Variants in CFH observed in about 807,000 individuals in gnomAD.
CFH encodes the protein complement factor H, also known as H factor 1 (complement).
Under a neutral mutation model 147.3 loss-of-function variants are expected in CFH, and 53 were observed. The ratio of observed to expected loss-of-function variants is 0.36; its 90% confidence interval spans 0.29 to 0.45. The LOEUF (loss-of-function observed/expected upper bound fraction) is 0.45. Ranked by LOEUF, CFH falls within the 20% of genes least tolerant of loss-of-function variation. The probability of loss-of-function intolerance (pLI) is 1.00; values close to 1 mark genes in which losing one functional copy is unlikely to be tolerated. For synonymous variants in CFH, 536 were observed against 489.4 expected (o/e 1.10, Z -1.26); for missense variants, 1,380 against 1,498.0 (o/e 0.92, Z 1.30).
chr1:196,672,595 A>G (rs532863712), intron 1 of CFH, among the ~76,000 whole-genome samples: 7 of 152,290 alleles, frequency 4.6e-5, no homozygotes, highest in Non-Finnish European at 8.8e-5. Context: ...TTGTTTCTTC[A>G]TTGTTTTTTC....
At chr1:196,653,056 A>T (rs1441232790) in intron 1 of CFH, among the ~76,000 whole-genome samples, 1 of 151,846 alleles carries the variant, frequency 6.6e-6, no homozygotes, top group Non-Finnish European at 1.5e-5. Context: ...CTTAGTAAAG[A>T]AATTTTGATT....
chr1:196,711,106 T>C (rs1427398890), intron 9 of CFH, among the ~76,000 whole-genome samples: 1 of 152,178 alleles, frequency 6.6e-6, no homozygotes, highest in Non-Finnish European at 1.5e-5. Flanking sequence ...TAAAGGTTTC[T>C]CAATTATAGA....
rs375406750 is a variant in CFH at position 196,684,684 on chromosome 1, GT to G, written c.791-379del. ...GAAGGGTTGCGCAGTCCTATCAATT[GT>G]CCAGAAGAAAGAAACACTGAATATT... On this transcript the variant is annotated intron_variant, in intron 6 of 21. Transcript: ENST00000367429. Among the ~76,000 whole-genome samples, 444 of 152,100 alleles carry G rather than the reference GT, an allele frequency of 2.9e-3. 2 individuals carry two copies. Among genetic ancestry groups the G allele is most frequent in the East Asian group, 0.021 (107 of 5,158 alleles).
chr1:196,692,489 A>C (rs1668062009), intron 9 of CFH: 1 of 221,264 alleles, frequency 4.5e-6, no homozygotes, highest in Admixed American at 6.5e-5. Context: ...TGTAGAATCA[A>C]CTACTTATTT....
At chr1:196,696,423 A>G (rs1197106021) in intron 9 of CFH, among the ~76,000 whole-genome samples, 1 of 152,208 alleles carries the variant, frequency 6.6e-6, no homozygotes, top group Non-Finnish European at 1.5e-5. Flanking sequence ...GAGAAGACAG[A>G]CACAATGTAC....
In CFH at chr1:196,675,973, A is replaced by G; in HGVS notation, c.351-16A>G. On this transcript the variant is annotated splice_polypyrimidine_tract_variant and intron_variant, in intron 3 of 21. Coordinates refer to ENST00000367429, the MANE Select transcript of CFH (RefSeq NM_000186.4). ...ACACACATTATGTCAACGTTCTGTT[A>G]TTTTTTGGTTTTCAGGTATCAATTG... The G allele has an allele frequency of 1.9e-6, 3 of 1,572,170 alleles. No homozygotes were observed. Among genetic ancestry groups the G allele is most frequent in the Non-Finnish European group, 2.6e-6 (3 of 1,142,784 alleles).
intron 14 of CFH, 52 bp downstream of exon 14, chr1:196,726,992 G>T: frequency 6.5e-7 from 1 of 1,528,014 alleles, no homozygotes. Flanking sequence ...TATTTTTATT[G>T]TAACAACAAT....
chr1:196,676,940 A>C (rs2149080355), intron 4 of CFH: 2 of 152,728 alleles, frequency 1.3e-5, no homozygotes, highest in Middle Eastern at 6.8e-3. Context: ...TATTTTAACA[A>C]GCATCCTGAG....
intron 1 of CFH, among the ~76,000 whole-genome samples, chr1:196,665,970 C>G (rs1173488027): frequency 6.6e-6 from 1 of 152,102 alleles, no homozygotes; most frequent in Non-Finnish European, 1.5e-5. Flanking sequence ...CAAGTTTACA[C>G]AGTACGATAG....
At chr1:196,734,013 A>G (rs1436372214) in intron 15 of CFH, among the ~76,000 whole-genome samples, 3 of 152,094 alleles carry the variant, frequency 2.0e-5, no homozygotes, top group African/African-American at 7.2e-5. Context: ...TTTTCCTGTG[A>G]TCTAGAGAGA....
Position 196,740,640 on chromosome 1 carries a change from C to G in CFH, c.2804C>G (p.Pro935Arg). 6.2e-7 allele frequency: 1 copy of G among 1,613,646 alleles called. No homozygotes were observed. The highest frequency in any genetic ancestry group is 8.5e-7 in the Non-Finnish European group (1 of 1,179,882). The stretch of plus-strand genomic sequence containing the variant: ...TTAGGCCTTCCTTGTAAATCTCCAC[C>G]TGAGATTTCTCATGGTGTTGTAGCT... Reference protein sequence around the residue: ...QCEGLPCKSPPEISHGVVAHM... With the variant: ...QCEGLPCKSPREISHGVVAHM... The change falls in exon 18 of 22, where the codon CCT (proline) becomes CGT (arginine). Residue 935 changes from proline (P) to arginine (R), a missense_variant. This residue lies in a region of CFH where 830 missense variants were observed against 821.4 expected (regional missense o/e 1.01). Coordinates refer to ENST00000367429, the MANE Select transcript of CFH (RefSeq NM_000186.4).
chr1:196,740,575 A>C (rs747878925), intron 17 of CFH, 44 bp from the exon 18 acceptor site: 16 of 1,585,426 alleles, frequency 1.0e-5, no homozygotes, highest in Non-Finnish European at 1.4e-5. Context: ...TATAAAATTA[A>C]ATTTATGAGT....
At position 196,743,572 on chromosome 1, in the gene CFH, G is replaced by A. The variant is rs1221735925; in HGVS notation, c.3254G>A (p.Gly1085Glu). ...TGTAGGAGCCCTTATGAAATGTTTG[G>A]GGATGAAGAAGTGATGTGTTTAAAT... ...YQCRSPYEMF[G>E]DEEVMCLNGN... The change falls in exon 20 of 22, where the codon GGG (glycine) becomes GAG (glutamate). Residue 1085 changes from glycine (G) to glutamate (E), a missense_variant. Gly to Glu is a moderately conservative substitution (Grantham distance 98, BLOSUM62 -2). Around this residue, in one of 4 missense-constraint regions of CFH, gnomAD observed 123 missense variants for 185.3 expected, o/e 0.66. Transcript: ENST00000367429. The A allele has an allele frequency of 1.9e-6, 3 of 1,613,900 alleles. No individual in the cohort carries two copies. Among genetic ancestry groups the A allele is most frequent in the Non-Finnish European group, 2.5e-6 (3 of 1,179,942 alleles).
Position 196,714,633 on chromosome 1 carries a change from A to ATG in CFH, c.1519+718_1519+719dup, listed in dbSNP as rs1408661535. On this transcript the variant is annotated intron_variant, in intron 10 of 21. Transcript: ENST00000367429. ...TGTGTGTGTGTGTGTATACGTATAT[A>ATG]TGTATATATATATATATATATATAT... Among the ~76,000 whole-genome samples, 99 of 59,000 alleles carry ATG rather than the reference A, an allele frequency of 1.7e-3. 2 individuals carry two copies. Among genetic ancestry groups the ATG allele is most frequent in the African/African-American group, 7.1e-3 (82 of 11,532 alleles). The allele number at this position is 59,000 out of a possible 152,430, so 38.7% of individuals were successfully genotyped here. A position where few individuals can be genotyped will look rare whatever the true frequency, so the allele number is the denominator to read the frequency against.
At chr1:196,673,513 T>G in intron 2 of CFH, 4 of 370,742 alleles carry the variant, frequency 1.1e-5, no homozygotes, top group South Asian at 9.5e-5. Context: ...ATTTTTGTAT[T>G]TTTAGTAGAG....
chr1:196,691,369 A>G (rs752752156), intron 9 of CFH, among the ~76,000 whole-genome samples: 75 of 152,124 alleles, frequency 4.9e-4, no homozygotes, highest in Admixed American at 2.0e-4. Flanking sequence ...AAGGTTTCCT[A>G]CAGTATTTAT....
intron 1 of CFH, among the ~76,000 whole-genome samples, chr1:196,663,596 C>A (rs1666977273): frequency 6.6e-6 from 1 of 151,778 alleles, no homozygotes; most frequent in Admixed American, 6.6e-5. Flanking sequence ...GCTTTTTCTC[C>A]CGTATAATGT....
intron 11 of CFH, among the ~76,000 whole-genome samples, chr1:196,722,414 C>T (rs772845578): frequency 2.0e-5 from 3 of 152,130 alleles, no homozygotes; most frequent in Non-Finnish European, 2.9e-5. Context: ...AAATAGGACA[C>T]CAATATCTTC....
intron 1 of CFH, among the ~76,000 whole-genome samples, chr1:196,657,517 A>G (rs1666744474): frequency 6.6e-6 from 1 of 152,196 alleles, no homozygotes; most frequent in Non-Finnish European, 1.5e-5. Context: ...AGAGAGCCAA[A>G]TGTAGAATTT....
Sources: gnomAD v4.1 joint callset for allele counts (sites outside exome capture counted in the v4.1 genomes callset) on GRCh38, gnomAD v4.1.1 for gene constraint, gnomAD v4.1.1 regional missense constraint, MANE v1.5 for transcripts, NCBI Gene and HGNC (gene_info 2026-07-23, HGNC 2026-07-21) for gene names.